The following DUS2 variants were observed in gnomAD, a reference collection of about 807,000 sequenced individuals.
The protein encoded by DUS2 is dihydrouridine synthase 2.
DUS2 carries 52 observed loss-of-function variants against 71.3 expected under a neutral mutation model. That is an observed-to-expected ratio of 0.73 (90% CI 0.58 to 0.92). The LOEUF is 0.92. Among genes scored for constraint, DUS2 ranks in the 40% least tolerant of loss-of-function variants. The pLI is 0.00. For missense variants in DUS2, 558 were observed against 622.6 expected, an observed-to-expected ratio of 0.90 and a Z score of 1.10; for synonymous variants, 204 against 227.8, an observed-to-expected ratio of 0.90 and a Z score of 0.94.
chr16:68,066,271 G>A, intron 8 of DUS2, 46 bp from the exon 9 acceptor site: 2 of 1,577,262 alleles, frequency 1.3e-6, no homozygotes, highest in Non-Finnish European at 1.7e-6. Context: ...CAGAGTGATG[G>A]TTTGTTCCAG....
At chr16:68,063,904 G>A (rs1023874932) in intron 8 of DUS2, among the ~76,000 whole-genome samples, 33 of 152,218 alleles carry the variant, frequency 2.2e-4, no homozygotes, top group Non-Finnish European at 2.4e-4. Context: ...TGTATTTTTA[G>A]TAGGTACGGG....
At chr16:68,077,554 C>CT (rs1488555002) in intron 15 of DUS2, 1 of 151,862 alleles carries the variant, frequency 6.6e-6, no homozygotes, top group Non-Finnish European at 1.5e-5. Flanking sequence ...ACCTGGCTAA[C>CT]TTTTTTGTAT....
intron 2 of DUS2, among the ~76,000 whole-genome samples, chr16:68,036,132 G>C (rs1024906670): frequency 2.0e-5 from 3 of 150,856 alleles, no homozygotes; most frequent in Non-Finnish European, 2.9e-5. Context: ...GAGTAGCTGG[G>C]ACTACAGGCA....
chr16:68,046,478 A>T (rs2033703330), intron 3 of DUS2, among the ~76,000 whole-genome samples: 1 of 151,852 alleles, frequency 6.6e-6, no homozygotes, highest in Admixed American at 6.6e-5. Context: ...TCCCAGGTTC[A>T]AGCGATTCTC....
intron 2 of DUS2, among the ~76,000 whole-genome samples, chr16:68,028,500 G>A (rs760405107): frequency 2.0e-5 from 3 of 149,864 alleles, no homozygotes; most frequent in African/African-American, 4.9e-5. Flanking sequence ...TTAGCTGGGC[G>A]TGGTGGTGGG....
At chr16:68,073,250 G>A (rs1297281903) in intron 12 of DUS2, among the ~76,000 whole-genome samples, 4 of 152,092 alleles carry the variant, frequency 2.6e-5, no homozygotes, top group Admixed American at 2.6e-4. Context: ...GACCAAGGTC[G>A]AAGTGGCTTT....
intron 7 of DUS2, among the ~76,000 whole-genome samples, chr16:68,058,302 G>T (rs1320058046): frequency 6.6e-6 from 1 of 150,518 alleles, no homozygotes; most frequent in Non-Finnish European, 1.5e-5. Flanking sequence ...TCGGCTGACT[G>T]CAACCTCCGT....
intron 12 of DUS2, among the ~76,000 whole-genome samples, chr16:68,073,298 G>A (rs2034112669): frequency 6.6e-6 from 1 of 152,018 alleles, no homozygotes; most frequent in Admixed American, 6.6e-5. Context: ...TTTTAGATAG[G>A]GTCTCAGTCT....
At chr16:68,034,615 C>T (rs567509780) in intron 2 of DUS2, among the ~76,000 whole-genome samples, 117 of 152,318 alleles carry the variant, frequency 7.7e-4, no homozygotes, top group Non-Finnish European at 1.2e-3. Flanking sequence ...ATCCATCTGT[C>T]TCATCCTCCC....
intron 3 of DUS2, among the ~76,000 whole-genome samples, chr16:68,040,629 CAGAG>C (rs1263317243): frequency 6.6e-6 from 1 of 152,128 alleles, no homozygotes; most frequent in African/African-American, 2.4e-5. Flanking sequence ...TCTACCTAGG[CAGAG>C]ACCTAAGCCT....
intron 11 of DUS2, 103 bp from the exon 12 acceptor site, chr16:68,070,837 A>C: frequency 7.6e-7 from 1 of 1,319,806 alleles, no homozygotes; most frequent in Non-Finnish European, 1.1e-6. Flanking sequence ...GACTTGGCCA[A>C]ATTCACATTG....
chr16:68,025,651 C>T (rs1415344039), intron 2 of DUS2, among the ~76,000 whole-genome samples, 157 bp downstream of exon 2: 4 of 152,070 alleles, frequency 2.6e-5, no homozygotes, highest in Non-Finnish European at 5.9e-5. Flanking sequence ...TGTCTGTGTC[C>T]GTGGCCACTA....
intron 3 of DUS2, 64 bp from the exon 4 acceptor site, chr16:68,049,441 A>C: frequency 3.8e-6 from 6 of 1,567,818 alleles, no homozygotes; most frequent in Non-Finnish European, 5.3e-6. Context: ...GTGTGTGATG[A>C]AAATCCTTCA....
chr16:68,041,917 T>TG (rs1293928776), intron 3 of DUS2, among the ~76,000 whole-genome samples: 1 of 152,106 alleles, frequency 6.6e-6, no homozygotes, highest in African/African-American at 2.4e-5. Flanking sequence ...GTAAGTGTAC[T>TG]GTTCAGTAGT....
intron 13 of DUS2, among the ~76,000 whole-genome samples, chr16:68,074,506 A>G (rs187411127): frequency 2.6e-5 from 4 of 152,314 alleles, no homozygotes; most frequent in Admixed American, 2.6e-4. Context: ...GCCTGCACTC[A>G]CATCCATCAC....
At chr16:68,066,296 C>A in intron 8 of DUS2, 21 bp from the exon 9 acceptor site, 1 of 1,613,402 alleles carries the variant, frequency 6.2e-7, no homozygotes, top group South Asian at 1.1e-5. Flanking sequence ...CATAGGTGCT[C>A]TTGTGTTTTC....
rs370157927 is a variant in DUS2 at position 68,058,391 on chromosome 16, AT to A, written c.369+1975del. ...AGGTGCCCGCCACCACACCCAACTA[AT>A]TTTTTTTGTATTTTTAGTAGAGACG... is the stretch of plus-strand genomic sequence containing the variant. On this transcript the variant is annotated intron_variant, in intron 7 of 16. Coordinates refer to ENST00000565263, the MANE Select transcript of DUS2 (RefSeq NM_017803.5). Among the ~76,000 whole-genome samples, 663 of 151,526 alleles carry A rather than the reference AT, an allele frequency of 4.4e-3. 7 individuals carry two copies. The highest frequency in any genetic ancestry group is 0.015 in the African/African-American group (608 of 41,288).
chr16:68,036,979 A>C (rs1479168771), intron 2 of DUS2, among the ~76,000 whole-genome samples: 2 of 151,596 alleles, frequency 1.3e-5, no homozygotes, highest in African/African-American at 4.8e-5. Flanking sequence ...AGCACTTTCA[A>C]TCTCCCCTCT....
chr16:68,036,183 CAG>C (rs2033523726), intron 2 of DUS2, among the ~76,000 whole-genome samples: 1 of 142,038 alleles, frequency 7.0e-6, no homozygotes, highest in Non-Finnish European at 1.5e-5. Context: ...TTTTTCGAGA[CAG>C]AGTCTTGCTC....
Sources: gnomAD v4.1 joint callset for allele counts (sites outside exome capture counted in the v4.1 genomes callset) on GRCh38, gnomAD v4.1.1 for gene constraint, MANE v1.5 for transcripts, NCBI Gene and HGNC (gene_info 2026-07-23, HGNC 2026-07-21) for gene names.